RANGAP1: variants seen among roughly 807,000 people sequenced by gnomAD.
RANGAP1 encodes the protein Ran GTPase activating protein 1.
In RANGAP1, 38 loss-of-function variants were observed where a neutral mutation model predicts 63.5. That is an observed-to-expected ratio of 0.60 (90% CI 0.46 to 0.78). RANGAP1 has a LOEUF of 0.78. RANGAP1 is among the 30% of genes least tolerant of loss of function. The pLI, the probability that RANGAP1 is intolerant of heterozygous loss-of-function variation, is 0.00. For synonymous variants in RANGAP1, 329 were observed against 310.5 expected (o/e 1.06, Z -0.63); for missense variants, 630 against 740.3 (o/e 0.85, Z 1.73).
chr22:41,290,571 G>A (rs1338466663), upstream of RANGAP1, among the ~76,000 whole-genome samples: 2 of 152,128 alleles, frequency 1.3e-5, no homozygotes, highest in African/African-American at 2.4e-5. Flanking sequence ...TTGTGAGTGC[G>A]AGGTGAGTTT....
At chr22:41,275,735 C>A (rs1201894626) in intron 2 of RANGAP1, among the ~76,000 whole-genome samples, 1 of 151,344 alleles carries the variant, frequency 6.6e-6, no homozygotes, top group Non-Finnish European at 1.5e-5. Flanking sequence ...GCCGAGATCA[C>A]ACCACTACAC....
intron 2 of RANGAP1, among the ~76,000 whole-genome samples, 174 bp from the exon 3 acceptor site, chr22:41,274,901 G>A (rs1268619998): frequency 6.6e-6 from 1 of 152,112 alleles, no homozygotes; most frequent in East Asian, 1.9e-4. Flanking sequence ...GAGCTATGCA[G>A]ATGATTTCTC....
In RANGAP1 at chr22:41,279,663, G is replaced by C. The variant is rs114797989; in HGVS notation, c.112+1270C>G. Among the ~76,000 whole-genome samples the C allele has an allele frequency of 3.5e-3, 529 of 151,512 alleles. 4 individuals are homozygous for C. The highest frequency in any genetic ancestry group is 0.012 in the African/African-American group (506 of 41,304). ...TCTCAAAAAAAAAAATTAGCCAGGC[G>C]TGATGGTGTGAGCCTGCAGTCCCAG... On this transcript the variant is annotated intron_variant, in intron 2 of 15. Coordinates refer to ENST00000356244, the MANE Select transcript of RANGAP1 (RefSeq NM_002883.4).
At chr22:41,295,199 G>C in the RANGAP1 span, among the ~76,000 whole-genome samples, 1 of 151,506 alleles carries the variant, frequency 6.6e-6, no homozygotes, top group South Asian at 2.1e-4. Flanking sequence ...TGGGAGGTGT[G>C]CCCAGCAGCT....
At chr22:41,285,106 G>A (rs2145865368) in intron 1 of RANGAP1, 1 of 152,234 alleles carries the variant, frequency 6.6e-6, no homozygotes, top group South Asian at 2.1e-4. Flanking sequence ...CAGTTCAGCG[G>A]TGATCGTTCC....
At chr22:41,294,660 C>T in the RANGAP1 span, among the ~76,000 whole-genome samples, 5 of 136,818 alleles carry the variant, frequency 3.7e-5, no homozygotes, top group Non-Finnish European at 4.8e-5. Context: ...CATCTCTGCC[C>T]GGCCGCCCAT....
At chr22:41,278,711 A>G (rs963973688) in intron 2 of RANGAP1, among the ~76,000 whole-genome samples, 3 of 152,252 alleles carry the variant, frequency 2.0e-5, no homozygotes, top group African/African-American at 7.2e-5. Flanking sequence ...AAACAGCAAC[A>G]TTCCAATCTA....
At chr22:41,249,650 T>G (rs2033297963) in intron 14 of RANGAP1, 79 bp downstream of exon 14, 12 of 1,548,980 alleles carry the variant, frequency 7.7e-6, no homozygotes, top group Non-Finnish European at 1.1e-5. Context: ...GTGAGGGAGG[T>G]TGGCGGGCAT....
chr22:41,281,895 G>A (rs2035511924), intron 1 of RANGAP1: 1 of 153,018 alleles, frequency 6.5e-6, no homozygotes, highest in Non-Finnish European at 1.5e-5. Context: ...AGCTGTGATG[G>A]GAAGATCGCT....
At chr22:41,261,636 G>C in intron 5 of RANGAP1, 56 bp from the exon 6 acceptor site, 1 of 1,609,680 alleles carries the variant, frequency 6.2e-7, no homozygotes, top group African/African-American at 1.3e-5. Context: ...CTCCCAGCGG[G>C]GTGGCCACTG....
rs145681292 is a variant in RANGAP1 at position 41,254,348 on chromosome 22, G to C, written c.1220C>G (p.Ser407Ter). 6.2e-7 allele frequency: 1 copy of C among 1,613,982 alleles called. No homozygotes were observed. Among genetic ancestry groups the C allele is most frequent in the Non-Finnish European group, 8.5e-7 (1 of 1,180,026 alleles). Residue 407 changes from serine to a stop codon, truncating the protein, a stop_gained, in exon 11 of 16, where the codon TCA becomes TGA. Transcript: ENST00000356244. LOFTEE classifies it high-confidence loss of function. The stretch of plus-strand genomic sequence containing the variant: ...CAGAATCTTCCGTGAGGGCGTGGCT[G>C]ACTTCTCTCCCTGCCCTCGCTGCTG... Reference protein sequence around the residue: ...EPQQRGQGEKSATPSRKILDP... With the variant: ...EPQQRGQGEK
chr22:41,249,293 A>G, intron 15 of RANGAP1, 37 bp downstream of exon 15: 2 of 1,554,146 alleles, frequency 1.3e-6, no homozygotes, highest in South Asian at 1.2e-5. Flanking sequence ...GAAGCCCGAG[A>G]GGGCAGGCAC....
chr22:41,281,300 T>C (rs1327850550), intron 1 of RANGAP1: 2 of 763,598 alleles, frequency 2.6e-6, no homozygotes, highest in African/African-American at 1.8e-5. Flanking sequence ...TGTCTTAGCC[T>C]ATAAGAAGCT....
intron 3 of RANGAP1, among the ~76,000 whole-genome samples, chr22:41,273,033 G>A (rs2034928156): frequency 6.6e-6 from 1 of 152,022 alleles, no homozygotes; most frequent in Non-Finnish European, 1.5e-5. Context: ...AGCTGGTCTC[G>A]AACTTCTGGG....
chr22:41,294,297 A>G, the RANGAP1 span, among the ~76,000 whole-genome samples: 4 of 152,112 alleles, frequency 2.6e-5, no homozygotes, highest in Admixed American at 1.3e-4. Context: ...CGAGTGATGC[A>G]CCAGCCTCGG....
At chr22:41,284,340 G>T (rs2035647661) in intron 1 of RANGAP1, among the ~76,000 whole-genome samples, 1 of 152,166 alleles carries the variant, frequency 6.6e-6, no homozygotes, top group Non-Finnish European at 1.5e-5. Flanking sequence ...GGCTGAGGTG[G>T]GTGGATTACC....
chr22:41,274,239 C>A lies in RANGAP1; in HGVS notation c.240+361G>T, dbSNP rs188195358. ...ATGGGCAATCTTTGCTCTGAAACTCCCAGAGGGTGGGTCTGTCAGAGCAGC... is the reference window on the plus strand; with the variant it reads ...ATGGGCAATCTTTGCTCTGAAACTCACAGAGGGTGGGTCTGTCAGAGCAGC... On this transcript the variant is annotated intron_variant, in intron 3 of 15. Coordinates refer to ENST00000356244, the MANE Select transcript of RANGAP1 (RefSeq NM_002883.4). 2.9e-4 allele frequency among the ~76,000 whole-genome samples: 44 copies of A among 152,324 alleles called. No individual in the cohort carries two copies. The East Asian group carries it at 7.9e-3, about 27-fold the overall frequency.
chr22:41,274,812 C>A, intron 2 of RANGAP1, 85 bp from the exon 3 acceptor site: 1 of 1,545,256 alleles, frequency 6.5e-7, no homozygotes, highest in South Asian at 1.2e-5. Flanking sequence ...CACCTTGCCA[C>A]TCAACAGTCT....
the RANGAP1 span, among the ~76,000 whole-genome samples, chr22:41,297,117 G>T: frequency 3.2e-4 from 49 of 152,198 alleles, no homozygotes; most frequent in Non-Finnish European, 6.0e-4. Flanking sequence ...AGCTGAGGCA[G>T]GAGAATCACT....
Sources: allele counts gnomAD v4.1 joint callset (sites outside exome capture counted in the v4.1 genomes callset), GRCh38; gene constraint gnomAD v4.1.1; transcripts MANE v1.5; gene names NCBI Gene and HGNC (gene_info 2026-07-23, HGNC 2026-07-21).